The following RABGAP1L variants were observed in gnomAD, a reference collection of about 807,000 sequenced individuals.
The protein encoded by RABGAP1L is rab GTPase-activating protein 1-like.
RABGAP1L carries 63 observed loss-of-function variants against 137.7 expected under a neutral mutation model. That is an observed-to-expected ratio of 0.46 (90% CI 0.37 to 0.56). RABGAP1L has a LOEUF of 0.56. Ranked by LOEUF, RABGAP1L falls within the 20% of genes least tolerant of loss-of-function variation. The pLI is 0.00. For synonymous variants in RABGAP1L, 431 were observed against 433.7 expected, an observed-to-expected ratio of 0.99 and a Z score of 0.08; for missense variants, 1,095 against 1,244.0, an observed-to-expected ratio of 0.88 and a Z score of 1.80.
In RABGAP1L at chr1:174,441,860, GGAAA is replaced by G. The variant is rs200332801; in HGVS notation, c.1710+47722_1710+47725del. On this transcript the variant is annotated intron_variant, in intron 13 of 25. Coordinates refer to ENST00000681986, the MANE Select transcript of RABGAP1L (RefSeq NM_001366446.1). ...CTTTTTTTTTTTTTTTAAAGTTGGT[GGAAA>G]GAAAGAGGGAGGCTTAGTGGGTCAA... Among the ~76,000 whole-genome samples the G allele has an allele frequency of 9.0e-3, 1,345 of 149,884 alleles. 18 individuals carry two copies. Among genetic ancestry groups the G allele is most frequent in the African/African-American group, 0.03 (1,242 of 40,918 alleles).
rs201459345 is a variant in RABGAP1L at position 174,962,206 on chromosome 1, CA to C, written c.2433+4658del. On this transcript the variant is annotated intron_variant, in intron 20 of 25. Transcript: ENST00000681986. ...TAAAAATAAAAATACACCCCCCCCC[CA>C]CACACACACACAGCTAGTTAATTAA... 3.1e-3 allele frequency among the ~76,000 whole-genome samples: 419 copies of C among 135,400 alleles called. 37 individuals carry two copies. Among genetic ancestry groups the C allele is most frequent in the African/African-American group, 5.2e-3 (184 of 35,552 alleles). 88.8% of individuals were successfully genotyped at this position (135,400 alleles called of 152,430 possible). A position where few individuals can be genotyped will look rare whatever the true frequency, so the allele number is the denominator to read the frequency against.
At chr1:174,898,881 G>C (rs1252246413) in intron 19 of RABGAP1L, among the ~76,000 whole-genome samples, 1 of 152,190 alleles carries the variant, frequency 6.6e-6, no homozygotes. Flanking sequence ...CCTGCCTTCA[G>C]AGTGCTTACA....
intron 19 of RABGAP1L, among the ~76,000 whole-genome samples, chr1:174,874,172 G>C (rs567964054): frequency 2.1e-4 from 32 of 152,114 alleles, no homozygotes; most frequent in African/African-American, 6.0e-4. Context: ...TCCAGAAAGG[G>C]TTTATAAACC....
At chr1:174,469,811 A>G (rs1657709026) in intron 13 of RABGAP1L, among the ~76,000 whole-genome samples, 1 of 152,094 alleles carries the variant, frequency 6.6e-6, no homozygotes, top group Non-Finnish European at 1.5e-5. Flanking sequence ...AAGCAGACAA[A>G]ATGGCACTCA....
At chr1:174,560,029 G>T (rs527968757) in intron 13 of RABGAP1L, among the ~76,000 whole-genome samples, 1 of 152,072 alleles carries the variant, frequency 6.6e-6, no homozygotes, top group African/African-American at 2.4e-5. Context: ...CAGCTACTTG[G>T]GGGGCTGAGG....
intron 13 of RABGAP1L, among the ~76,000 whole-genome samples, chr1:174,584,841 T>G (rs994380455): frequency 1.3e-5 from 2 of 151,624 alleles, no homozygotes; most frequent in African/African-American, 2.4e-5. Context: ...TGTATGTGTT[T>G]TTTTTTTTAA....
chr1:174,245,094 T>C (rs776735885), intron 5 of RABGAP1L: 1 of 152,294 alleles, frequency 6.6e-6, no homozygotes, highest in Non-Finnish European at 1.5e-5. Context: ...TTCTTTGAGA[T>C]GGAGTTTCAC....
At chr1:174,790,532 G>A (rs1687770307) in intron 18 of RABGAP1L, among the ~76,000 whole-genome samples, 2 of 151,880 alleles carry the variant, frequency 1.3e-5, no homozygotes, top group Admixed American at 6.6e-5. Flanking sequence ...TACTCAGTAG[G>A]CGGAGTCAGG....
At chr1:174,167,399 A>G (rs1252311487) in intron 1 of RABGAP1L, among the ~76,000 whole-genome samples, 1 of 152,214 alleles carries the variant, frequency 6.6e-6, no homozygotes, top group East Asian at 1.9e-4. Flanking sequence ...ATGTGTAGAC[A>G]TACATACATA....
rs576756520 is a variant in RABGAP1L at position 174,491,568 on chromosome 1, G to A, written c.1710+97423G>A. ...GCTGGAGGAGGGTGGTGCAAGCACT[G>A]TATTAACCATTGTGTCTGGTGTCTC... On this transcript the variant is annotated intron_variant, in intron 13 of 25. Transcript: ENST00000681986. Among the ~76,000 whole-genome samples, 9 of 152,214 alleles carry A rather than the reference G, an allele frequency of 5.9e-5. No individual in the cohort carries two copies. In the South Asian group the frequency reaches 1.7e-3, roughly 28 times the overall value.
At chr1:174,514,949 A>C (rs1294118445) in intron 13 of RABGAP1L, among the ~76,000 whole-genome samples, 1 of 152,170 alleles carries the variant, frequency 6.6e-6, no homozygotes, top group African/African-American at 2.4e-5. Flanking sequence ...ATTAGAAGTC[A>C]AACCTAAGAA....
At position 174,891,789 on chromosome 1, in the gene RABGAP1L, G is replaced by A. The variant is rs185501087; in HGVS notation, c.2341-65668G>A. Among the ~76,000 whole-genome samples, 12 of 152,326 alleles carry A rather than the reference G, an allele frequency of 7.9e-5. No individual in the cohort carries two copies. In the East Asian group the frequency reaches 1.9e-3, roughly 24 times the overall value. On this transcript the variant is annotated intron_variant, in intron 19 of 25. Coordinates refer to ENST00000681986, the MANE Select transcript of RABGAP1L (RefSeq NM_001366446.1). ...CAAAGTGCTGGGATTATAGGTGTGA[G>A]CCACCACACTCAGCCTTTTCTTGGA...
At chr1:174,937,203 T>G (rs76836284) in intron 19 of RABGAP1L, among the ~76,000 whole-genome samples, 17,546 of 151,818 alleles carry the variant, frequency 0.12, 1,315 homozygotes, top group South Asian at 0.17. Flanking sequence ...GGCCTCAAAC[T>G]CCTGACCTCA....
chr1:174,587,830 A>G (rs1370466876), intron 13 of RABGAP1L, among the ~76,000 whole-genome samples: 1 of 152,202 alleles, frequency 6.6e-6, no homozygotes, highest in East Asian at 1.9e-4. Context: ...TCTTTGTGTT[A>G]TAAACATTCC....
At chr1:174,493,962 A>G (rs1219166687) in intron 13 of RABGAP1L, among the ~76,000 whole-genome samples, 3 of 152,200 alleles carry the variant, frequency 2.0e-5, no homozygotes, top group Non-Finnish European at 4.4e-5. Flanking sequence ...TTGAACTTAA[A>G]TACTTTTTGG....
At chr1:174,259,996 G>A (rs1030402055) in intron 7 of RABGAP1L, among the ~76,000 whole-genome samples, 2 of 151,954 alleles carry the variant, frequency 1.3e-5, no homozygotes, top group Non-Finnish European at 2.9e-5. Flanking sequence ...CACTACACCC[G>A]GCTAATTTTT....
At chr1:174,927,913 T>C (rs574860717) in intron 19 of RABGAP1L, among the ~76,000 whole-genome samples, 45 of 152,190 alleles carry the variant, frequency 3.0e-4, no homozygotes, top group Non-Finnish European at 5.4e-4. Context: ...ATCCTGTCAT[T>C]TTCAATATTG....
intron 13 of RABGAP1L, among the ~76,000 whole-genome samples, chr1:174,632,945 T>A (rs1410172192): frequency 6.6e-6 from 1 of 152,122 alleles, no homozygotes; most frequent in Non-Finnish European, 1.5e-5. Context: ...AGGAACTGCG[T>A]TCCTTTGGAG....
chr1:174,238,495 C>T (rs1361463901), intron 4 of RABGAP1L, among the ~76,000 whole-genome samples: 1 of 151,984 alleles, frequency 6.6e-6, no homozygotes, highest in Non-Finnish European at 1.5e-5. Context: ...TAGACAGGAC[C>T]CTCAGCTGCA....
Sources: allele counts gnomAD v4.1 joint callset (sites outside exome capture counted in the v4.1 genomes callset), GRCh38; gene constraint gnomAD v4.1.1; transcripts MANE v1.5; gene names NCBI Gene and HGNC (gene_info 2026-07-23, HGNC 2026-07-21).